The following CHST11 variants were observed in gnomAD, a reference collection of about 807,000 sequenced individuals.
CHST11 encodes C4S-1.
A neutral mutation model predicts 30.4 loss-of-function variants in CHST11; 9 were observed. The observed-to-expected ratio is 0.30, with a 90% CI of 0.18 to 0.52. CHST11 has a LOEUF of 0.52. CHST11 is among the 20% of genes least tolerant of loss of function. CHST11 has a pLI of 0.97. For synonymous variants in CHST11, 152 were observed against 187.8 expected, an observed-to-expected ratio of 0.81 and a Z score of 1.56; for missense variants, 348 against 460.6, an observed-to-expected ratio of 0.76 and a Z score of 2.24.
intron 1 of CHST11, among the ~76,000 whole-genome samples, chr12:104,480,659 AGAG>A (rs2037612768): frequency 6.6e-6 from 1 of 152,072 alleles, no homozygotes; most frequent in Non-Finnish European, 1.5e-5. Flanking sequence ...CCTTATTATA[AGAG>A]GAGAAGAGAC....
chr12:104,487,853 T>C (rs1210929566), intron 1 of CHST11, among the ~76,000 whole-genome samples: 3 of 152,142 alleles, frequency 2.0e-5, no homozygotes, highest in African/African-American at 7.2e-5. Context: ...TTCTTTTTTT[T>C]TCTCTATTTT....
intron 2 of CHST11, among the ~76,000 whole-genome samples, chr12:104,721,548 G>A (rs1450781796): frequency 3.3e-5 from 5 of 152,312 alleles, no homozygotes; most frequent in Middle Eastern, 6.8e-3. Flanking sequence ...TAGACAGTGT[G>A]CTCAACTCAT....
chr12:104,556,954 C>T (rs1329606324), intron 1 of CHST11, among the ~76,000 whole-genome samples: 1 of 148,532 alleles, frequency 6.7e-6, no homozygotes, highest in African/African-American at 2.5e-5. Context: ...GCGCTCCAGC[C>T]TGGGCAACAG....
chr12:104,690,688 G>A (rs2039889167), intron 2 of CHST11, among the ~76,000 whole-genome samples: 1 of 152,132 alleles, frequency 6.6e-6, no homozygotes, highest in South Asian at 2.1e-4. Flanking sequence ...AATTAGCTGG[G>A]CATGGGGGCA....
At chr12:104,461,681 C>A (rs1234016638) in intron 1 of CHST11, among the ~76,000 whole-genome samples, 3 of 152,136 alleles carry the variant, frequency 2.0e-5, no homozygotes, top group Non-Finnish European at 4.4e-5. Flanking sequence ...TTTATTTTTG[C>A]AAAATGTTTA....
chr12:104,658,246 C>G (rs2136086297), intron 2 of CHST11, among the ~76,000 whole-genome samples: 1 of 152,350 alleles, frequency 6.6e-6, no homozygotes, highest in East Asian at 1.9e-4. Context: ...CTTCTGGAGG[C>G]TGGGAGTCTA....
intron 1 of CHST11, among the ~76,000 whole-genome samples, chr12:104,466,164 T>C (rs542589612): frequency 1.1e-4 from 16 of 151,980 alleles, no homozygotes; most frequent in Non-Finnish European, 2.1e-4. Flanking sequence ...CCAGCACCAG[T>C]CTAGGTATTT....
Position 104,756,969 on chromosome 12 carries a change from T to C in CHST11, c.225T>C (p.Ala75=), listed in dbSNP as rs191786628. ...NPIQLELSNT[A]VLHQMRRDQV... ...TGCAGCTGGAGCTCTCAAACACTGCTGTCCTGCACCAGATGCGGCGGGACC... is the reference window on the plus strand; with the variant it reads ...TGCAGCTGGAGCTCTCAAACACTGCCGTCCTGCACCAGATGCGGCGGGACC... Residue 75 remains alanine, a synonymous_variant, in exon 3 of 3, where the codon GCT becomes GCC. Coordinates refer to ENST00000303694, the MANE Select transcript of CHST11 (RefSeq NM_018413.6). 3 of 1,613,336 alleles carry C rather than the reference T, an allele frequency of 1.9e-6. No homozygotes were observed. Among genetic ancestry groups the C allele is most frequent in the East Asian group, 2.2e-5 (1 of 44,878 alleles).
intron 2 of CHST11, among the ~76,000 whole-genome samples, chr12:104,607,937 G>A (rs554342812): frequency 6.6e-6 from 1 of 152,230 alleles, no homozygotes; most frequent in East Asian, 1.9e-4. Context: ...CCCCTTCCAG[G>A]CCTCAGCATT....
chr12:104,572,360 G>C (rs1441646267), intron 1 of CHST11, among the ~76,000 whole-genome samples: 2 of 151,470 alleles, frequency 1.3e-5, no homozygotes, highest in Admixed American at 6.6e-5. Flanking sequence ...TTTTTTGGTT[G>C]GTAAGCTATT....
intron 2 of CHST11, among the ~76,000 whole-genome samples, chr12:104,640,445 G>T (rs755881510): frequency 6.6e-6 from 1 of 152,150 alleles, no homozygotes; most frequent in East Asian, 1.9e-4. Flanking sequence ...AACCTGAAGT[G>T]CATATTACTA....
chr12:104,638,952 T>C (rs2039349966), intron 2 of CHST11, among the ~76,000 whole-genome samples: 1 of 152,210 alleles, frequency 6.6e-6, no homozygotes, highest in African/African-American at 2.4e-5. Context: ...GCATGTGGCT[T>C]TTCTCCTGGC....
intron 2 of CHST11, among the ~76,000 whole-genome samples, chr12:104,725,267 G>GT (rs2040207993): frequency 6.6e-6 from 1 of 152,180 alleles, no homozygotes; most frequent in South Asian, 2.1e-4. Context: ...GGTTGTTTCT[G>GT]TTTCTTTGCC....
intron 2 of CHST11, among the ~76,000 whole-genome samples, chr12:104,694,393 A>G (rs79799293): frequency 0.015 from 2,238 of 152,222 alleles, 44 homozygotes; most frequent in African/African-American, 0.048. Flanking sequence ...CATTCATCAA[A>G]CACTTATCCT....
intron 2 of CHST11, among the ~76,000 whole-genome samples, chr12:104,625,102 G>C (rs1253503295): frequency 6.6e-6 from 1 of 152,180 alleles, no homozygotes; most frequent in Non-Finnish European, 1.5e-5. Flanking sequence ...TGAAGAATCA[G>C]ACTTTGCTAT....
intron 2 of CHST11, among the ~76,000 whole-genome samples, chr12:104,736,302 G>A (rs192957884): frequency 9.7e-4 from 147 of 152,270 alleles, no homozygotes; most frequent in African/African-American, 3.3e-3. Context: ...ATGTTCAGTG[G>A]AAGGAAAGGA....
rs191773952 is a variant in CHST11, at chr12:104,760,590, T to A, written c.*2787T>A. On this transcript the variant is annotated 3_prime_UTR_variant, in exon 3 of 3. Transcript: ENST00000303694. ...GGGGGTTTTCAATGGAAATTCACGT[T>A]GCTTTGCATTTCTGTGTCCGTCTTT... The A allele has an allele frequency of 6.6e-6, 1 of 152,398 alleles. No individual in the cohort carries two copies. The highest frequency in any genetic ancestry group is 1.5e-5 in the Non-Finnish European group (1 of 68,056). The allele number at this position is 152,398 out of a possible 1,614,324, so 9.4% of individuals were successfully genotyped here. A position where few individuals can be genotyped will look rare whatever the true frequency, so the allele number is the denominator to read the frequency against.
chr12:104,640,909 CCT>C (rs2039370602), intron 2 of CHST11, among the ~76,000 whole-genome samples: 1 of 152,176 alleles, frequency 6.6e-6, no homozygotes, highest in Non-Finnish European at 1.5e-5. Context: ...ACCTTACATC[CCT>C]GTTTTCCCGC....
At chr12:104,508,561 A>G (rs1360080904) in intron 1 of CHST11, among the ~76,000 whole-genome samples, 3 of 152,242 alleles carry the variant, frequency 2.0e-5, no homozygotes, top group Non-Finnish European at 4.4e-5. Context: ...AACCTTTTTA[A>G]CCTTGAGATG....
Sources: allele counts gnomAD v4.1 joint callset (sites outside exome capture counted in the v4.1 genomes callset), GRCh38; gene constraint gnomAD v4.1.1; transcripts MANE v1.5; gene names NCBI Gene and HGNC (gene_info 2026-07-23, HGNC 2026-07-21).